Variants in PRICKLE2 observed in about 807,000 individuals in gnomAD.
PRICKLE2 encodes prickle planar cell polarity protein 2.
PRICKLE2 carries 21 observed loss-of-function variants against 81.4 expected under a neutral mutation model. That is an observed-to-expected ratio of 0.26 (90% CI 0.18 to 0.37). The LOEUF (loss-of-function observed/expected upper bound fraction) is 0.37. Ranked by LOEUF, PRICKLE2 falls within the 10% of genes least tolerant of loss-of-function variation. The pLI is 1.00. For missense variants in PRICKLE2, 940 were observed against 1,109.0 expected (o/e 0.85, Z 2.16); for synonymous variants, 456 against 421.5 (o/e 1.08, Z -1.00).
intron 2 of PRICKLE2, among the ~76,000 whole-genome samples, chr3:64,246,027 T>A (rs552766782): frequency 6.6e-6 from 1 of 152,104 alleles, no homozygotes; most frequent in African/African-American, 2.4e-5. Context: ...GGTGGATCAC[T>A]TGAGGCCAGG....
intron 2 of PRICKLE2, among the ~76,000 whole-genome samples, chr3:64,258,671 A>G (rs184656612): frequency 6.6e-6 from 1 of 151,426 alleles, no homozygotes; most frequent in African/African-American, 2.4e-5. Flanking sequence ...AAAAGAAAAA[A>G]AAAATAGCCA....
intron 1 of PRICKLE2, among the ~76,000 whole-genome samples, chr3:64,208,256 G>C (rs1275590084): frequency 2.0e-5 from 3 of 152,190 alleles, no homozygotes; most frequent in Non-Finnish European, 4.4e-5. Flanking sequence ...AGCAAGGTCT[G>C]CCTGCCCTAA....
chr3:64,163,310 G>A (rs1387910038), intron 2 of PRICKLE2, 181 bp from the exon 3 acceptor site: 1 of 645,550 alleles, frequency 1.5e-6, no homozygotes, highest in Non-Finnish European at 2.8e-6. Flanking sequence ...CTTAAAGCAA[G>A]AGTCAGGCAA....
At chr3:64,267,309 T>C (rs1203303941) in intron 2 of PRICKLE2, among the ~76,000 whole-genome samples, 2 of 152,170 alleles carry the variant, frequency 1.3e-5, no homozygotes, top group Non-Finnish European at 2.9e-5. Context: ...AAAGAACACA[T>C]TAACAAATCC....
chr3:64,159,809 A>G, intron 4 of PRICKLE2, 131 bp downstream of exon 4: 1 of 1,199,142 alleles, frequency 8.3e-7, no homozygotes, highest in Non-Finnish European at 1.2e-6. Context: ...GCAAGATGAA[A>G]CTTTCCCGTC....
rs1437286883 is a variant in PRICKLE2 at position 64,198,764 on chromosome 3, G to A, written c.144+20C>T. The A allele has an allele frequency of 1.9e-6, 3 of 1,612,976 alleles. No homozygotes were observed. The highest frequency in any genetic ancestry group is 2.5e-6 in the Non-Finnish European group (3 of 1,179,292). ...AGTGAAACACCCAAACCACCAGCAT[G>A]CTCCCATCCAGAATGGTACCTGTTC... On this transcript the variant is annotated intron_variant, in intron 2 of 7. Coordinates refer to ENST00000638394, the MANE Select transcript of PRICKLE2 (RefSeq NM_198859.4).
intron 6 of PRICKLE2, among the ~76,000 whole-genome samples, chr3:64,151,694 C>T (rs547608273): frequency 2.0e-5 from 3 of 152,328 alleles, no homozygotes; most frequent in East Asian, 1.9e-4. Flanking sequence ...CAAGACATTG[C>T]ACCATTTTCC....
rs1353722599 is a variant in PRICKLE2, at chr3:64,257,293, C to T, written c.129-58326G>A. ...ACTCTGCCAGTTTGTGCCAACTCCT[C>T]CCTCCACCCTTCTGTTCCCAACCCT... is the stretch of plus-strand genomic sequence containing the variant. On this transcript the variant is annotated intron_variant, in intron 2 of 8. Coordinates refer to the PRICKLE2 transcript ENST00000295902. 2.0e-5 allele frequency among the ~76,000 whole-genome samples: 3 copies of T among 152,314 alleles called. No individual in the cohort carries two copies. The East Asian group carries it at 5.8e-4, about 29-fold the overall frequency.
intron 2 of PRICKLE2, among the ~76,000 whole-genome samples, chr3:64,191,771 G>C (rs995506596): frequency 1.3e-5 from 2 of 152,324 alleles, no homozygotes; most frequent in South Asian, 2.1e-4. Flanking sequence ...TAGTGGAGTA[G>C]TAGAGAGATT....
Position 64,160,010 on chromosome 3 carries a change from T to C in PRICKLE2, c.326A>G (p.Lys109Arg). 1 of 1,614,210 alleles carries C rather than the reference T, an allele frequency of 6.2e-7. No homozygotes were observed. ...ATTCCCGCGGCCCAAGTTTTCGCGT[T>C]TCCTCTGGCTGCTGAAAAGCTTCAG... is the stretch of plus-strand genomic sequence containing the variant. Reference protein sequence around the residue: ...RELKLFSSQRKRENLGRGNVR... With the variant: ...RELKLFSSQRRRENLGRGNVR... Residue 109 changes from lysine to arginine, a missense_variant, in exon 4 of 8, where the codon AAA (lysine) becomes AGA (arginine). Coordinates refer to ENST00000638394, the MANE Select transcript of PRICKLE2 (RefSeq NM_198859.4).
chr3:64,239,701 G>A (rs556554662), intron 2 of PRICKLE2, among the ~76,000 whole-genome samples: 15 of 152,156 alleles, frequency 9.9e-5, no homozygotes, highest in South Asian at 8.3e-4. Context: ...TTATACCTAT[G>A]GTTGCTTATC....
intron 7 of PRICKLE2, among the ~76,000 whole-genome samples, chr3:64,133,208 T>TAC (rs2077223048): frequency 6.6e-6 from 1 of 152,162 alleles, no homozygotes; most frequent in Admixed American, 6.5e-5. Flanking sequence ...GCTTCTTAGG[T>TAC]AGTCCTAACT....
intron 7 of PRICKLE2, among the ~76,000 whole-genome samples, chr3:64,143,210 A>G (rs1272556044): frequency 6.6e-6 from 1 of 152,234 alleles, no homozygotes; most frequent in South Asian, 2.1e-4. Context: ...TTGAGTACTT[A>G]AAATGTGTCT....
At chr3:64,129,519 G>T (rs1446321484) in intron 7 of PRICKLE2, among the ~76,000 whole-genome samples, 3 of 152,060 alleles carry the variant, frequency 2.0e-5, no homozygotes, top group Admixed American at 1.3e-4. Flanking sequence ...ATGCTGGGGG[G>T]TGGGAGTCTC....
upstream of PRICKLE2, among the ~76,000 whole-genome samples, chr3:64,229,935 A>G (rs558401887): frequency 1.6e-4 from 25 of 152,294 alleles, no homozygotes; most frequent in South Asian, 5.2e-3. Flanking sequence ...AGAAAGTTTG[A>G]TTTCTCTCTC....
At chr3:64,165,655 A>G (rs572664839) in intron 2 of PRICKLE2, among the ~76,000 whole-genome samples, 2 of 152,204 alleles carry the variant, frequency 1.3e-5, no homozygotes, top group African/African-American at 4.8e-5. Context: ...CTACCAGCGC[A>G]TGCCACCATG....
intron 2 of PRICKLE2, chr3:64,163,443 A>C: frequency 1.4e-5 from 6 of 426,262 alleles, no homozygotes; most frequent in East Asian, 4.9e-5. Flanking sequence ...TTCTCGGCAG[A>C]CTCCCCTGAG....
intron 2 of PRICKLE2, among the ~76,000 whole-genome samples, chr3:64,264,452 G>C (rs933023798): frequency 6.6e-6 from 1 of 152,196 alleles, no homozygotes; most frequent in Non-Finnish European, 1.5e-5. Flanking sequence ...GTCTGAGAAA[G>C]ACTGGTAAGA....
At chr3:64,213,082 T>G (rs936946758) in intron 1 of PRICKLE2, among the ~76,000 whole-genome samples, 36 of 151,652 alleles carry the variant, frequency 2.4e-4, no homozygotes, top group African/African-American at 8.7e-4. Context: ...TTGTTCTTTT[T>G]TTTTTTTTTT....
Sources: allele counts gnomAD v4.1 joint callset (sites outside exome capture counted in the v4.1 genomes callset), GRCh38; gene constraint gnomAD v4.1.1; transcripts MANE v1.5; gene names NCBI Gene and HGNC (gene_info 2026-07-23, HGNC 2026-07-21).